Variants in ADSS1 observed in about 807,000 individuals in gnomAD.
ADSS1 encodes the protein adenylosuccinate synthase 1, also known as adenylosuccinate synthetase isozyme 1.
ADSS1 carries 57 observed loss-of-function variants against 59.1 expected under a neutral mutation model. That is an observed-to-expected ratio of 0.97 (90% CI 0.78 to 1.20). ADSS1 has a LOEUF of 1.20. ADSS1 is among the 50% of genes most tolerant of loss of function. ADSS1 has a pLI of 0.00. For synonymous variants in ADSS1, 247 were observed against 249.4 expected, an observed-to-expected ratio of 0.99 and a Z score of 0.09; for missense variants, 603 against 610.3, an observed-to-expected ratio of 0.99 and a Z score of 0.13.
chr14:104,736,692 G>A (rs1023669510), intron 2 of ADSS1, among the ~76,000 whole-genome samples: 1 of 151,946 alleles, frequency 6.6e-6, no homozygotes, highest in African/African-American at 2.4e-5. Context: ...GGGGTTTAGA[G>A]CTCAGGAGTG....
At chr14:104,742,037 A>C (rs1466588705) in intron 9 of ADSS1, 35 bp downstream of exon 9, 3 of 1,607,952 alleles carry the variant, frequency 1.9e-6, no homozygotes, top group African/African-American at 1.3e-5. Flanking sequence ...CCGTGGGAGG[A>C]CAGGGAGGCC....
chr14:104,740,634 C>G lies in ADSS1; in HGVS notation c.510C>G (p.Thr170=), dbSNP rs1214298759. The change falls in exon 6 of 13, where the codon ACC becomes ACG. Residue 170 remains threonine, a synonymous_variant. Transcript: ENST00000330877. This position sits in a 1 kb window ranked among gnomAD's most constrained non-coding sequence, Gnocchi z 4.8. ...CCACCAAGAAGGGAATCGGACCAAC[C>G]TACTCTTCCAAAGCTGCCCGGACAG... ...IGTTKKGIGP[T]YSSKAARTGL... 3 of 1,614,000 alleles carry G rather than the reference C, an allele frequency of 1.9e-6. No homozygotes were observed. The highest frequency in any genetic ancestry group is 2.5e-6 in the Non-Finnish European group (3 of 1,179,992).
chr14:104,728,629 C>G (rs1323233874), intron 1 of ADSS1, among the ~76,000 whole-genome samples: 1 of 152,210 alleles, frequency 6.6e-6, no homozygotes, highest in Non-Finnish European at 1.5e-5. Context: ...TTGCTCTGTG[C>G]CGGGCACAGT....
intron 2 of ADSS1, among the ~76,000 whole-genome samples, chr14:104,736,258 C>T (rs868774336): frequency 6.6e-5 from 10 of 152,330 alleles, no homozygotes; most frequent in African/African-American, 2.4e-4. Flanking sequence ...CCCGCCATGT[C>T]GCAGGAGCCC....
rs556944473 is a variant in ADSS1, at chr14:104,740,614, A to G, written c.490A>G (p.Lys164Glu). 22 of 1,613,618 alleles carry G rather than the reference A, an allele frequency of 1.4e-5. No individual in the cohort carries two copies. In the East Asian group the frequency reaches 1.6e-4, roughly 11 times the overall value. Residue 164 changes from lysine to glutamate, a missense_variant, in exon 6 of 13, where the codon AAG becomes GAG. Transcript: ENST00000330877. The surrounding 1 kb of genome is among the most constrained non-coding windows in gnomAD (Gnocchi z 4.8). ...CCCATCTTTCAGTATAGGCACCACC[A>G]AGAAGGGAATCGGACCAACCTACTC... ...AQEGKNIGTT[K>E]KGIGPTYSSK... is the part of the protein sequence containing the mutation.
intron 1 of ADSS1, among the ~76,000 whole-genome samples, chr14:104,734,804 C>A (rs1891056303): frequency 6.6e-6 from 1 of 152,236 alleles, no homozygotes; most frequent in African/African-American, 2.4e-5. Context: ...CCCTCCCCGA[C>A]CCAGGCCCCT....
At chr14:104,725,449 C>G (rs1475148345) in intron 1 of ADSS1, among the ~76,000 whole-genome samples, 1 of 152,204 alleles carries the variant, frequency 6.6e-6, no homozygotes, top group Non-Finnish European at 1.5e-5. Context: ...GGCCTCCTTC[C>G]TGAGCTCCAG....
In ADSS1 at chr14:104,740,670, C is replaced by T. The variant is rs1277996368; in HGVS notation, c.546C>T (p.Ile182=). The T allele has an allele frequency of 6.2e-7, 1 of 1,613,918 alleles. No individual in the cohort carries two copies. Among genetic ancestry groups the T allele is most frequent in the Non-Finnish European group, 8.5e-7 (1 of 1,180,048 alleles). ...SSKAARTGLR[I]CDLLSDFDEF... ...AAGCTGCCCGGACAGGCCTCCGCAT[C>T]TGCGACCTCCTGTCAGATTTTGATG... Residue 182 remains isoleucine, a synonymous_variant, in exon 6 of 13, where the codon ATC becomes ATT. Coordinates refer to ENST00000330877, the MANE Select transcript of ADSS1 (RefSeq NM_152328.5). The surrounding 1 kb of genome is among the most constrained non-coding windows in gnomAD (Gnocchi z 4.8).
At chr14:104,729,331 G>A (rs1227700123) in intron 1 of ADSS1, among the ~76,000 whole-genome samples, 1 of 152,208 alleles carries the variant, frequency 6.6e-6, no homozygotes, top group Non-Finnish European at 1.5e-5. Flanking sequence ...ACAGGAGCAG[G>A]ACGATGGCTG....
intron 1 of ADSS1, among the ~76,000 whole-genome samples, chr14:104,729,126 A>G (rs1343922715): frequency 6.6e-6 from 1 of 152,058 alleles, no homozygotes; most frequent in Non-Finnish European, 1.5e-5. Flanking sequence ...CTCCTTGGGA[A>G]CCCTGGGCCA....
chr14:104,731,512 T>G (rs1381250444), intron 1 of ADSS1, among the ~76,000 whole-genome samples: 2 of 152,176 alleles, frequency 1.3e-5, no homozygotes, highest in African/African-American at 4.8e-5. Context: ...AATGCAGGAC[T>G]CTGCAGCCCC....
At chr14:104,737,962 T>C in intron 2 of ADSS1, 2 of 236,436 alleles carry the variant, frequency 8.5e-6, no homozygotes, top group Non-Finnish European at 1.7e-5. Flanking sequence ...TGAACATAGG[T>C]GTGCCCATTT....
intron 1 of ADSS1, among the ~76,000 whole-genome samples, chr14:104,732,499 T>G (rs771739497): frequency 6.6e-6 from 1 of 152,200 alleles, no homozygotes; most frequent in African/African-American, 2.4e-5. Flanking sequence ...CTGAGCTGGC[T>G]CCTGCTCCCA....
At chr14:104,729,361 G>C (rs547951514) in intron 1 of ADSS1, among the ~76,000 whole-genome samples, 4 of 152,298 alleles carry the variant, frequency 2.6e-5, no homozygotes, top group Non-Finnish European at 5.9e-5. Flanking sequence ...GCTGGGACCC[G>C]CACGGGTGAC....
At chr14:104,743,379 G>A (rs1215816655) in intron 10 of ADSS1, 188 bp downstream of exon 10, 1 of 805,114 alleles carries the variant, frequency 1.2e-6, no homozygotes. Context: ...AGGGTGTGTT[G>A]GAGCCAGCCG....
At chr14:104,743,025 T>C in intron 9 of ADSS1, 42 bp from the exon 10 acceptor site, 1 of 1,609,626 alleles carries the variant, frequency 6.2e-7, no homozygotes, top group Non-Finnish European at 8.5e-7. Context: ...TGCACAAGGC[T>C]CCCACGACAG....
chr14:104,739,151 G>A (rs1891236202), intron 3 of ADSS1, among the ~76,000 whole-genome samples, 177 bp from the exon 4 acceptor site: 1 of 150,660 alleles, frequency 6.6e-6, no homozygotes, highest in Non-Finnish European at 1.5e-5. Flanking sequence ...CAGCTGGGGA[G>A]GAGACAACGA....
intron 1 of ADSS1, among the ~76,000 whole-genome samples, chr14:104,725,063 C>T (rs12886191): frequency 0.12 from 17,640 of 152,142 alleles, 1,176 homozygotes; most frequent in Non-Finnish European, 0.15. Context: ...GTGCTTGGGA[C>T]GATCCTAGCC....
At position 104,740,751 on chromosome 14, in the gene ADSS1, T is replaced by G. The variant is rs942457557; in HGVS notation, c.584+43T>G. 6.2e-7 allele frequency: 1 copy of G among 1,612,980 alleles called. No homozygotes were observed. The highest frequency in any genetic ancestry group is 1.3e-5 in the African/African-American group (1 of 74,852). On this transcript the variant is annotated intron_variant, in intron 6 of 12. Coordinates refer to ENST00000330877, the MANE Select transcript of ADSS1 (RefSeq NM_152328.5). The surrounding 1 kb of genome is among the most constrained non-coding windows in gnomAD (Gnocchi z 4.8). ...AGTCCCCGGGGAGGATGGGGAGAAG[T>G]TGCCGGAAGGGACTGTGGCTAGTGG...
Sources: gnomAD v4.1 joint callset for allele counts (sites outside exome capture counted in the v4.1 genomes callset) on GRCh38, gnomAD v4.1.1 for gene constraint, Gnocchi (gnomAD v3.1) non-coding constraint, MANE v1.5 for transcripts, NCBI Gene and HGNC (gene_info 2026-07-23, HGNC 2026-07-21) for gene names.